The following POTEC variants were observed in gnomAD, a reference collection of about 807,000 sequenced individuals.
POTEC encodes ANKRD26-like family B member 2.
Under a neutral mutation model 62.0 loss-of-function variants are expected in POTEC, and 35 were observed. The ratio of observed to expected loss-of-function variants is 0.56; its 90% CI spans 0.43 to 0.75. The LOEUF (loss-of-function observed/expected upper bound fraction) is 0.75. Ranked by LOEUF, POTEC falls within the 30% of genes least tolerant of loss-of-function variation. The pLI, the probability that POTEC is intolerant of heterozygous loss-of-function variation, is 0.00. For synonymous variants in POTEC, 156 were observed against 221.5 expected (o/e 0.70, Z 2.62); for missense variants, 472 against 655.9 (o/e 0.72, Z 3.06).
intron 1 of POTEC, among the ~76,000 whole-genome samples, chr18:14,540,786 C>T (rs113769488): frequency 0.036 from 5,481 of 152,278 alleles, 334 homozygotes; most frequent in African/African-American, 0.13. Flanking sequence ...AAAGTCGCAG[C>T]AACTTAAACT....
At position 14,511,853 on chromosome 18, in the gene POTEC, C is replaced by T; in HGVS notation, c.*45G>A. The T allele has an allele frequency of 6.3e-7, 1 of 1,577,752 alleles. No individual in the cohort carries two copies. The highest frequency in any genetic ancestry group is 1.4e-5 in the African/African-American group (1 of 73,864). Reference sequence around the variant, plus strand: ...TTTTCTTTCACACTTTCAATTTCCTCCAAAATTTTATTTTCCCTTAGCTGG... The same window carrying T: ...TTTTCTTTCACACTTTCAATTTCCTTCAAAATTTTATTTTCCCTTAGCTGG... On this transcript the variant is annotated 3_prime_UTR_variant, in exon 11 of 11. Coordinates refer to ENST00000358970, the MANE Select transcript of POTEC (RefSeq NM_001137671.2).
intron 6 of POTEC, 119 bp downstream of exon 6, chr18:14,530,364 C>G: frequency 6.8e-7 from 1 of 1,465,100 alleles, no homozygotes; most frequent in Non-Finnish European, 9.3e-7. Context: ...CTGAATAATC[C>G]TGAAACCATC....
Position 14,543,223 on chromosome 18 carries a change from A to G in POTEC, c.-77T>C. 1 of 1,582,624 alleles carries G rather than the reference A, an allele frequency of 6.3e-7. No individual in the cohort carries two copies. The highest frequency in any genetic ancestry group is 8.6e-7 in the Non-Finnish European group (1 of 1,159,762). On this transcript the variant is annotated 5_prime_UTR_variant, in exon 1 of 11. Transcript: ENST00000358970. ...CAACCAGTTTCACCAACTAGCAGGAAACCCTGGGTTTCCAATCTGTTTGAA... is the reference window on the plus strand; with the variant it reads ...CAACCAGTTTCACCAACTAGCAGGAGACCCTGGGTTTCCAATCTGTTTGAA...
intron 6 of POTEC, among the ~76,000 whole-genome samples, chr18:14,525,822 C>T (rs1316220219): frequency 2.6e-5 from 4 of 152,144 alleles, no homozygotes; most frequent in Non-Finnish European, 5.9e-5. Context: ...ACTACTGACA[C>T]CTTTGTTAGT....
chr18:14,542,811 G>A lies in POTEC; in HGVS notation c.336C>T (p.Ser112=), dbSNP rs754562772. ...CCCAAGCGCCCACGTTGCTCTTGCC[G>A]CTCCCCCTGCAGCAGGGGAAGCAGT... ...CCHCFPCCRG[S]GKSNVGAWGD... The change falls in exon 1 of 11, where the codon AGC becomes AGT. Residue 112 remains serine (S), a synonymous_variant. Coordinates refer to ENST00000358970, the MANE Select transcript of POTEC (RefSeq NM_001137671.2). 20 of 1,613,320 alleles carry A rather than the reference G, an allele frequency of 1.2e-5. No homozygotes were observed. Among genetic ancestry groups the A allele is most frequent in the South Asian group, 2.2e-5 (2 of 91,056 alleles).
intron 1 of POTEC, 76 bp downstream of exon 1, chr18:14,542,550 C>G: frequency 1.3e-6 from 2 of 1,593,872 alleles, no homozygotes; most frequent in South Asian, 2.3e-5. Context: ...AGCCTGGCTC[C>G]TCCCTCCCTG....
At chr18:14,530,278 T>C (rs1905462058) in intron 6 of POTEC, among the ~76,000 whole-genome samples, 1 of 152,064 alleles carries the variant, frequency 6.6e-6, no homozygotes, top group African/African-American at 2.4e-5. Flanking sequence ...TTCTACATTA[T>C]AGTAAGTTGT....
At chr18:14,521,653 A>G (rs1403365559) in intron 9 of POTEC, among the ~76,000 whole-genome samples, 1 of 152,186 alleles carries the variant, frequency 6.6e-6, no homozygotes, top group African/African-American at 2.4e-5. Context: ...AAATGTATTT[A>G]CCAACAGTGT....
At chr18:14,540,810 A>T (rs915807556) in intron 1 of POTEC, among the ~76,000 whole-genome samples, 5 of 152,240 alleles carry the variant, frequency 3.3e-5, no homozygotes, top group Admixed American at 2.6e-4. Context: ...AGCAAGTAAT[A>T]TAAGTACCAC....
intron 9 of POTEC, among the ~76,000 whole-genome samples, chr18:14,514,816 A>G (rs1485203813): frequency 6.6e-6 from 1 of 152,154 alleles, no homozygotes; most frequent in East Asian, 1.9e-4. Context: ...ACAGACTCCT[A>G]CAAAACACTC....
In POTEC at chr18:14,508,652, T is replaced by C. The variant is rs749332499; in HGVS notation, c.*3246A>G. ...ACAATGATTTTTAGCTTCCTTGTAT[T>C]GGATTACAACATACTTCTTTCACTC... On this transcript the variant is annotated 3_prime_UTR_variant, in exon 11 of 11. Transcript: ENST00000358970. 5 of 152,646 alleles carry C rather than the reference T, an allele frequency of 3.3e-5. No individual in the cohort carries two copies. Among genetic ancestry groups the C allele is most frequent in the African/African-American group, 9.7e-5 (4 of 41,448 alleles). The allele number at this position is 152,646 out of a possible 1,614,324, so 9.5% of individuals were successfully genotyped here.
At position 14,508,971 on chromosome 18, in the gene POTEC, T is replaced by C. The variant is rs540961569; in HGVS notation, c.*2927A>G. The C allele has an allele frequency of 6.6e-6, 1 of 152,138 alleles. No homozygotes were observed. Among genetic ancestry groups the C allele is most frequent in the South Asian group, 2.1e-4 (1 of 4,816 alleles). The allele number at this position is 152,138 out of a possible 1,614,324, so 9.4% of individuals were successfully genotyped here. On this transcript the variant is annotated 3_prime_UTR_variant, in exon 11 of 11. Coordinates refer to ENST00000358970, the MANE Select transcript of POTEC (RefSeq NM_001137671.2). ...GTGTAAGGTGGATTCAGCCAACAGG[T>C]TTTGTTTTTGGAGGATTTTAAGGGG...
chr18:14,532,278 A>C (rs937054747), intron 5 of POTEC, among the ~76,000 whole-genome samples: 2 of 152,120 alleles, frequency 1.3e-5, no homozygotes, highest in African/African-American at 4.8e-5. Context: ...GTTCCACATT[A>C]GGTTCTGAAT....
chr18:14,526,064 G>C (rs1361882988), intron 6 of POTEC, among the ~76,000 whole-genome samples: 1 of 151,784 alleles, frequency 6.6e-6, no homozygotes, highest in African/African-American at 2.4e-5. Context: ...ATCATGCCCA[G>C]CTAATTTTTG....
At chr18:14,522,681 A>G (rs528290378) in intron 8 of POTEC, among the ~76,000 whole-genome samples, 2 of 152,240 alleles carry the variant, frequency 1.3e-5, no homozygotes, top group South Asian at 4.1e-4. Context: ...CCAAAATTCA[A>G]AAAGGGCCCT....
At chr18:14,539,208 G>A (rs1205887369) in intron 1 of POTEC, among the ~76,000 whole-genome samples, 119 of 151,632 alleles carry the variant, frequency 7.8e-4, no homozygotes, top group African/African-American at 2.7e-3. Context: ...TTCATATTAG[G>A]ATTTAAGACT....
chr18:14,541,989 T>A (rs1905948952), intron 1 of POTEC, among the ~76,000 whole-genome samples: 2 of 152,224 alleles, frequency 1.3e-5, no homozygotes, highest in Admixed American at 6.5e-5. Flanking sequence ...TCTTTTTCCA[T>A]TCTGTTACAA....
chr18:14,537,143 T>C (rs1443713764), intron 3 of POTEC, among the ~76,000 whole-genome samples: 1 of 125,006 alleles, frequency 8.0e-6, no homozygotes, highest in Non-Finnish European at 1.6e-5. Context: ...TGTCTCACCA[T>C]ATAAAGGAAA....
chr18:14,519,963 A>G (rs1910265043), intron 9 of POTEC, among the ~76,000 whole-genome samples: 1 of 152,154 alleles, frequency 6.6e-6, no homozygotes, highest in Non-Finnish European at 1.5e-5. Flanking sequence ...GGTGGAAGAA[A>G]AGTGCCTAGA....
Sources: gnomAD v4.1 joint callset for allele counts (sites outside exome capture counted in the v4.1 genomes callset) on GRCh38, gnomAD v4.1.1 for gene constraint, MANE v1.5 for transcripts, NCBI Gene and HGNC (gene_info 2026-07-23, HGNC 2026-07-21) for gene names.